REC8: variants seen among roughly 807,000 people sequenced by gnomAD.
REC8 encodes the protein REC8 meiotic recombination protein.
Under a neutral mutation model 78.3 loss-of-function variants are expected in REC8, and 42 were observed. The ratio of observed to expected loss-of-function variants is 0.54; its 90% CI spans 0.42 to 0.69. The LOEUF (loss-of-function observed/expected upper bound fraction) is 0.69, where lower values mean the gene tolerates loss of function less well. REC8 is among the 30% of genes least tolerant of loss of function. REC8 has a pLI of 0.00. For synonymous variants in REC8, 268 were observed against 274.1 expected, an observed-to-expected ratio of 0.98 and a Z score of 0.22; for missense variants, 581 against 715.8, an observed-to-expected ratio of 0.81 and a Z score of 2.15.
At position 24,172,773 on chromosome 14, in the gene REC8, G is replaced by T. The variant is rs747157808; in HGVS notation, c.117G>T (p.Val39=). 2.6e-5 allele frequency: 42 copies of T among 1,614,178 alleles called. No individual in the cohort carries two copies. In the South Asian group the frequency reaches 4.6e-4, roughly 18 times the overall value. The change falls in exon 2 of 19, where the codon GTG becomes GTT. Residue 39 remains valine, a synonymous_variant. Coordinates refer to ENST00000611366, the MANE Select transcript of REC8 (RefSeq NM_001048205.2). The part of the protein sequence containing the change: ...VKREYLRVNV[V]KTCEEILNYV... ...GCGAATACCTGAGGGTGAATGTGGT[G>T]AAAACCTGGTAAGGCCCAGAAAAGG...
intron 6 of REC8, among the ~76,000 whole-genome samples, chr14:24,176,171 A>G (rs747121750): frequency 1.3e-5 from 2 of 149,260 alleles, no homozygotes; most frequent in African/African-American, 2.5e-5. Flanking sequence ...GATTCAAGCA[A>G]TTCTCCTTCC....
In REC8 at chr14:24,173,349, G is replaced by T. The variant is rs1455466952; in HGVS notation, c.400G>T (p.Asp134Tyr). The T allele has an allele frequency of 6.2e-7, 1 of 1,614,070 alleles. No homozygotes were observed. The highest frequency in any genetic ancestry group is 8.5e-7 in the Non-Finnish European group (1 of 1,180,034). ...AMMETLEDAP[D>Y]PFFGMMSVDP... ...GATGGAGACCCTAGAAGATGCTCCA[G>T]ATCCCTTTTTTGGGATGATGTCTGT... is the stretch of plus-strand genomic sequence containing the variant. The change falls in exon 5 of 19, where the codon GAT becomes TAT. Residue 134 changes from aspartate (D) to tyrosine (Y), a missense_variant. Physicochemically the swap from Asp to Tyr is radical, Grantham distance 160. Coordinates refer to ENST00000611366, the MANE Select transcript of REC8 (RefSeq NM_001048205.2).
Position 24,180,052 on chromosome 14 carries a change from C to T in REC8, c.1601C>T (p.Pro534Leu). 6.2e-7 allele frequency: 1 copy of T among 1,614,190 alleles called. No homozygotes were observed. The highest frequency in any genetic ancestry group is 8.5e-7 in the Non-Finnish European group (1 of 1,180,042). Reference sequence around the variant, plus strand: ...ATTCTTCACGTGAAACAAGAAAAGCCATATGGTCGCCTCCTGATCCAGCCG... The same window carrying T: ...ATTCTTCACGTGAAACAAGAAAAGCTATATGGTCGCCTCCTGATCCAGCCG... ...QQILHVKQEK[P>L]YGRLLIQPGP... Residue 534 changes from proline (P) to leucine (L), a missense_variant, in exon 19 of 19, where the codon CCA (proline) becomes CTA (leucine). Pro to Leu is a moderately conservative substitution (Grantham distance 98). Coordinates refer to ENST00000611366, the MANE Select transcript of REC8 (RefSeq NM_001048205.2).
Position 24,178,173 on chromosome 14 carries a change from C to T in REC8, c.947C>T (p.Pro316Leu), listed in dbSNP as rs199922301. 1.2e-4 allele frequency: 194 copies of T among 1,614,040 alleles called. 1 individual carries two copies. The South Asian group carries it at 1.9e-3, about 16-fold the overall frequency. ...TGGGACAAGGAGACTCAGATCTCCC[C>T]GGAGAAATTCCAGGAACAACTGCAA... ...LFWDKETQIS[P>L]EKFQEQLQTR... Residue 316 changes from proline to leucine, a missense_variant, in exon 12 of 19, where the codon CCG becomes CTG. Physicochemically the swap from Pro to Leu is moderately conservative, Grantham distance 98. Coordinates refer to ENST00000611366, the MANE Select transcript of REC8 (RefSeq NM_001048205.2).
At chr14:24,176,073 T>C (rs1484587358) in intron 6 of REC8, among the ~76,000 whole-genome samples, 5 of 151,116 alleles carry the variant, frequency 3.3e-5, no homozygotes. Context: ...TCTTATCCTT[T>C]TTTTTTTTTG....
rs2039015824 is a variant in REC8, at chr14:24,178,672, T to C, written c.1063T>C (p.Ser355Pro). 2 of 1,614,062 alleles carry C rather than the reference T, an allele frequency of 1.2e-6. No homozygotes were observed. The highest frequency in any genetic ancestry group is 1.3e-5 in the African/African-American group (1 of 75,006). Residue 355 changes from serine to proline, a missense_variant and splice_region_variant, in exon 13 of 19, where the codon TCT becomes CCT. Ser to Pro is a moderately conservative substitution (Grantham distance 74). Transcript: ENST00000611366. ...PAELFRTPTL[S>P]GWLPPELLGL... Reference sequence around the variant, plus strand: ...GGAGTTGTTCAGAACCCCAACTCTCTGTAAGAATGGTGGGGGTTGGGCACG... The same window carrying C: ...GGAGTTGTTCAGAACCCCAACTCTCCGTAAGAATGGTGGGGGTTGGGCACG...
chr14:24,175,348 T>C, intron 5 of REC8, 195 bp from the exon 6 acceptor site: 1 of 502,090 alleles, frequency 2.0e-6, no homozygotes, highest in South Asian at 2.5e-5. Flanking sequence ...GGGGTGCGGG[T>C]TGGGGAGGGA....
chr14:24,180,700 T>C, downstream of REC8: 1 of 1,614,134 alleles, frequency 6.2e-7, no homozygotes, highest in Non-Finnish European at 8.5e-7. Flanking sequence ...TGGTGGGATC[T>C]TGTTGTCAGC....
Position 24,178,872 on chromosome 14 carries a change from G to T in REC8, c.1159G>T (p.Ala387Ser). 6.2e-7 allele frequency: 1 copy of T among 1,613,468 alleles called. No homozygotes were observed. ...GCGAGAGCTGCCTGAGGAGGCAGCC[G>T]CTGAGGAGGAAAGGAGAAAGATTGA... ...LRRELPEEAAAEEERRKIEVP... is the reference protein window; with the variant it reads ...LRRELPEEAASEEERRKIEVP... The change falls in exon 14 of 19, where the codon GCT becomes TCT. Residue 387 changes from alanine to serine, a missense_variant. Transcript: ENST00000611366.
At chr14:24,180,857 G>T, downstream of REC8, 2 of 956,688 alleles carry the variant, frequency 2.1e-6, no homozygotes, top group Non-Finnish European at 3.1e-6. Context: ...TATCAGGGGG[G>T]TGGTTGCACC....
chr14:24,175,577 G>C lies in REC8; in HGVS notation c.497G>C (p.Arg166Thr), dbSNP rs549051039. ...RHLLEAAIPE[R>T]VEEIPPEVPT... ...CTCTTAGAGGCTGCAATCCCAGAGA[G>C]AGTTGAAGAGATCCCTCCTGAAGTT... Residue 166 changes from arginine (R) to threonine (T), a missense_variant, in exon 6 of 19, where the codon AGA becomes ACA. By Grantham distance (71) the Arg-to-Thr change is moderately conservative. Coordinates refer to ENST00000611366, the MANE Select transcript of REC8 (RefSeq NM_001048205.2). 6.2e-7 allele frequency: 1 copy of C among 1,614,144 alleles called. No homozygotes were observed. Among genetic ancestry groups the C allele is most frequent in the Admixed American group, 1.7e-5 (1 of 60,018 alleles).
At chr14:24,180,803 C>G, downstream of REC8, 1 of 1,578,154 alleles carries the variant, frequency 6.3e-7, no homozygotes, top group Non-Finnish European at 8.7e-7. Flanking sequence ...CCCCAGACCC[C>G]AGGTCTAGGA....
At chr14:24,173,996 G>C (rs2038782117) in intron 5 of REC8, among the ~76,000 whole-genome samples, 1 of 151,932 alleles carries the variant, frequency 6.6e-6, no homozygotes, top group African/African-American at 2.4e-5. Flanking sequence ...CTCCCGAGTA[G>C]CTGGGACTAC....
At position 24,177,218 on chromosome 14, in the gene REC8, A is replaced by G. The variant is rs762273577; in HGVS notation, c.702A>G (p.Leu234=). The G allele has an allele frequency of 6.2e-7, 1 of 1,614,048 alleles. No homozygotes were observed. Among genetic ancestry groups the G allele is most frequent in the East Asian group, 2.2e-5 (1 of 44,878 alleles). Residue 234 remains leucine (L), a synonymous_variant, in exon 8 of 19, where the codon TTA becomes TTG. Transcript: ENST00000611366. ...LIAEEEEAIL[L]EIPRLPPPAP... is the part of the protein sequence containing the mutation. ...CAGAGGAAGAAGAAGCTATCTTGTT[A>G]GAAAGTAGGTGTCTCCGGCAGCGTA...
In REC8 at chr14:24,172,258, A is replaced by C; in HGVS notation, c.-295A>C. On this transcript the variant is annotated 5_prime_UTR_variant, in exon 1 of 19. Transcript: ENST00000611366. The stretch of plus-strand genomic sequence containing the variant: ...CGTCCCCTTGGAGCTCTGCATCTCC[A>C]ACCTGGAACCCAACCCAGAAGTCTC... The C allele has an allele frequency of 2.2e-6, 1 of 464,548 alleles. No homozygotes were observed. Among genetic ancestry groups the C allele is most frequent in the South Asian group, 3.0e-5 (1 of 32,904 alleles). 28.8% of individuals were successfully genotyped at this position (464,548 alleles called of 1,614,324 possible).
chr14:24,177,514 G>C lies in REC8; in HGVS notation c.787G>C (p.Gly263Arg), dbSNP rs1203025761. Residue 263 changes from glycine (G) to arginine (R), a missense_variant, in exon 10 of 19, where the codon GGC becomes CGC. Physicochemically the swap from Gly to Arg is moderately radical, Grantham distance 125 (BLOSUM62 -2). Coordinates refer to ENST00000611366, the MANE Select transcript of REC8 (RefSeq NM_001048205.2). ...GGGTCCTGAGGAGCTGAGGCTGACAGGCTGGGAACCTGGGGCCCTACTCAT... is the reference window on the plus strand; with the variant it reads ...GGGTCCTGAGGAGCTGAGGCTGACACGCTGGGAACCTGGGGCCCTACTCAT... The part of the protein sequence containing the change: ...ALGPEELRLT[G>R]WEPGALLMEV... The C allele has an allele frequency of 6.2e-7, 1 of 1,613,886 alleles. No homozygotes were observed. Among genetic ancestry groups the C allele is most frequent in the Non-Finnish European group, 8.5e-7 (1 of 1,179,934 alleles).
chr14:24,175,414 C>CTGA, intron 5 of REC8, 129 bp from the exon 6 acceptor site: 1 of 723,332 alleles, frequency 1.4e-6, no homozygotes, highest in Admixed American at 2.2e-5. Context: ...TTACTGCAAG[C>CTGA]TGATGTCAAT....
chr14:24,172,544 A>G lies in REC8; in HGVS notation c.-9A>G. The G allele has an allele frequency of 6.2e-7, 1 of 1,609,646 alleles. No homozygotes were observed. Among genetic ancestry groups the G allele is most frequent in the Non-Finnish European group, 8.5e-7 (1 of 1,176,730 alleles). ...CTGGTGGAATCGAGGGTGAAAGACCAGAGGGACAATGTTCTACTATCCCAA... is the reference window on the plus strand; with the variant it reads ...CTGGTGGAATCGAGGGTGAAAGACCGGAGGGACAATGTTCTACTATCCCAA... On this transcript the variant is annotated 5_prime_UTR_variant, in exon 1 of 19. Coordinates refer to ENST00000611366, the MANE Select transcript of REC8 (RefSeq NM_001048205.2).
At position 24,172,325 on chromosome 14, in the gene REC8, C is replaced by T. The variant is rs2038703857; in HGVS notation, c.-228C>T. ...GTGGCGTGCGGATCCACTGAGGGTCCACAGAGAGGGGCGCCCATCTCCTGC... is the reference window on the plus strand; with the variant it reads ...GTGGCGTGCGGATCCACTGAGGGTCTACAGAGAGGGGCGCCCATCTCCTGC... On this transcript the variant is annotated 5_prime_UTR_variant, in exon 1 of 19. Coordinates refer to ENST00000611366, the MANE Select transcript of REC8 (RefSeq NM_001048205.2). The T allele has an allele frequency of 3.5e-6, 2 of 566,758 alleles. No individual in the cohort carries two copies. The highest frequency in any genetic ancestry group is 4.6e-4 in the Middle Eastern group (1 of 2,174). 35.1% of individuals were successfully genotyped at this position (566,758 alleles called of 1,614,324 possible). A position where few individuals can be genotyped will look rare whatever the true frequency, so the allele number is the denominator to read the frequency against.
Sources: gnomAD v4.1 joint callset for allele counts (sites outside exome capture counted in the v4.1 genomes callset) on GRCh38, gnomAD v4.1.1 for gene constraint, MANE v1.5 for transcripts, NCBI Gene and HGNC (gene_info 2026-07-23, HGNC 2026-07-21) for gene names.